Variants in AMPH observed in about 807,000 individuals in gnomAD.
AMPH encodes amphiphysin.
Under a neutral mutation model 99.1 loss-of-function variants are expected in AMPH, and 49 were observed. The observed-to-expected ratio is 0.49, with a 90% CI of 0.39 to 0.63. The LOEUF (loss-of-function observed/expected upper bound fraction) is 0.63. Among genes scored for constraint, AMPH ranks in the 20% least tolerant of loss-of-function variants. The pLI is 0.00. For synonymous variants in AMPH, 314 were observed against 317.3 expected (o/e 0.99, Z 0.11); for missense variants, 759 against 863.4 (o/e 0.88, Z 1.52).
At chr7:38,486,121 G>C (rs1788481396) in intron 5 of AMPH, among the ~76,000 whole-genome samples, 1 of 146,378 alleles carries the variant, frequency 6.8e-6, no homozygotes, top group Non-Finnish European at 1.5e-5. Context: ...GTGAAATAAA[G>C]ATTAGAAAAA....
At chr7:38,529,308 C>G (rs1275256683) in intron 2 of AMPH, among the ~76,000 whole-genome samples, 2 of 152,204 alleles carry the variant, frequency 1.3e-5, no homozygotes, top group Non-Finnish European at 2.9e-5. Context: ...GTTTCAAGGA[C>G]AAACCAGAGG....
chr7:38,541,017 T>TAAAAA (rs60200785), intron 1 of AMPH, among the ~76,000 whole-genome samples: 2 of 97,692 alleles, frequency 2.0e-5, no homozygotes, highest in African/African-American at 3.8e-5. Context: ...TTTCTGTTCT[T>TAAAAA]AAAAAAAAAA....
intron 7 of AMPH, among the ~76,000 whole-genome samples, chr7:38,471,251 C>T (rs184379572): frequency 6.6e-6 from 1 of 152,302 alleles, no homozygotes; most frequent in East Asian, 1.9e-4. Context: ...GGCCTTTATT[C>T]ATACTCTATG....
chr7:38,458,146 T>C (rs1370151442), intron 11 of AMPH, among the ~76,000 whole-genome samples: 1 of 152,102 alleles, frequency 6.6e-6, no homozygotes, highest in Non-Finnish European at 1.5e-5. Flanking sequence ...GATGAGATCA[T>C]TAGAAGCTCA....
At chr7:38,465,412 T>C (rs1278774149) in intron 9 of AMPH, 55 bp downstream of exon 9, 2 of 1,470,378 alleles carry the variant, frequency 1.4e-6, no homozygotes, top group Admixed American at 4.0e-5. Context: ...GTCCACAGAT[T>C]GAAGAAATTT....
At chr7:38,486,155 A>AT (rs1788482758) in intron 5 of AMPH, among the ~76,000 whole-genome samples, 1 of 111,602 alleles carries the variant, frequency 9.0e-6, no homozygotes, top group Non-Finnish European at 1.7e-5. Context: ...CAAGGTAACT[A>AT]TGAGTTTTTT....
chr7:38,461,964 A>AT (rs1787466980), intron 10 of AMPH, among the ~76,000 whole-genome samples: 2 of 152,298 alleles, frequency 1.3e-5, no homozygotes, highest in South Asian at 2.1e-4. Flanking sequence ...TCAATCTATG[A>AT]TTTTTTTGGA....
intron 1 of AMPH, among the ~76,000 whole-genome samples, chr7:38,568,813 G>A (rs924819552): frequency 6.6e-6 from 1 of 152,100 alleles, no homozygotes; most frequent in Admixed American, 6.6e-5. Flanking sequence ...TGTGCAGGAG[G>A]GACCAATGGA....
At chr7:38,501,688 T>G (rs937578447) in intron 3 of AMPH, among the ~76,000 whole-genome samples, 14 of 152,014 alleles carry the variant, frequency 9.2e-5, no homozygotes, top group Admixed American at 8.5e-4. Flanking sequence ...ATAACATGTT[T>G]ATATTCAGTT....
intron 1 of AMPH, among the ~76,000 whole-genome samples, chr7:38,617,540 GA>G (rs1793919265): frequency 6.6e-6 from 1 of 152,214 alleles, no homozygotes; most frequent in African/African-American, 2.4e-5. Context: ...GAGGGACCTA[GA>G]AAATCTGAGT....
At chr7:38,389,218 A>G (rs973927762) in intron 20 of AMPH, among the ~76,000 whole-genome samples, 2 of 152,222 alleles carry the variant, frequency 1.3e-5, no homozygotes, top group Non-Finnish European at 2.9e-5. Flanking sequence ...AAGGGCTCAC[A>G]TATTTTATGA....
intron 1 of AMPH, among the ~76,000 whole-genome samples, chr7:38,592,992 A>G (rs1322107017): frequency 1.3e-5 from 2 of 152,214 alleles, no homozygotes; most frequent in East Asian, 3.9e-4. Context: ...CTGAACCTGC[A>G]TTATCTCTCC....
chr7:38,571,363 AAT>A (rs1490965665), intron 1 of AMPH, among the ~76,000 whole-genome samples: 1 of 109,968 alleles, frequency 9.1e-6, no homozygotes, highest in Non-Finnish European at 1.7e-5. Context: ...TTACATATAG[AAT>A]ATATATATTT....
At chr7:38,456,189 A>ACTG (rs748330005) in intron 11 of AMPH, among the ~76,000 whole-genome samples, 116 of 152,058 alleles carry the variant, frequency 7.6e-4, no homozygotes, top group Admixed American at 2.2e-3. Context: ...GACAAATCCC[A>ACTG]CTGCTGCTGC....
At chr7:38,543,531 A>T (rs957480443) in intron 1 of AMPH, among the ~76,000 whole-genome samples, 1 of 152,246 alleles carries the variant, frequency 6.6e-6, no homozygotes, top group African/African-American at 2.4e-5. Context: ...ATGGAAATTT[A>T]CAATATATCA....
chr7:38,561,075 TTAAA>T (rs1159726587), intron 1 of AMPH, among the ~76,000 whole-genome samples: 3 of 152,216 alleles, frequency 2.0e-5, no homozygotes, highest in African/African-American at 7.2e-5. Flanking sequence ...CCTGAAGCAC[TTAAA>T]TGTCAGTATT....
chr7:38,474,222 G>A (rs1053420281), intron 7 of AMPH, among the ~76,000 whole-genome samples: 15 of 151,000 alleles, frequency 9.9e-5, no homozygotes, highest in East Asian at 3.9e-4. Flanking sequence ...TTGAGGTTTC[G>A]GAACCCAGAA....
intron 1 of AMPH, among the ~76,000 whole-genome samples, chr7:38,616,182 C>T (rs1264111207): frequency 2.0e-5 from 3 of 152,138 alleles, no homozygotes; most frequent in Non-Finnish European, 4.4e-5. Context: ...AAAATGGTGA[C>T]CACTCCCCCA....
intron 5 of AMPH, among the ~76,000 whole-genome samples, chr7:38,489,587 CTATAGAAATGGAGAAAAGA>C (rs1246225935): frequency 3.9e-5 from 6 of 151,964 alleles, no homozygotes; most frequent in African/African-American, 7.3e-5. Flanking sequence ...AAAATGCAAG[CTATAGAAATGGAGAAAAGA>C]TCTGCAAACC....
Sources: allele counts gnomAD v4.1 joint callset (sites outside exome capture counted in the v4.1 genomes callset), GRCh38; gene constraint gnomAD v4.1.1; transcripts MANE v1.5; gene names NCBI Gene and HGNC (gene_info 2026-07-23, HGNC 2026-07-21).